The following CTNNA2 variants were observed in gnomAD, a reference collection of about 807,000 sequenced individuals.
The protein encoded by CTNNA2 is catenin alpha 2.
Under a neutral mutation model 101.0 loss-of-function variants are expected in CTNNA2, and 42 were observed. The ratio of observed to expected loss-of-function variants is 0.42; its 90% CI spans 0.32 to 0.54. The LOEUF (loss-of-function observed/expected upper bound fraction) is 0.54, where lower values mean the gene tolerates loss of function less well. CTNNA2 is among the 20% of genes least tolerant of loss of function. CTNNA2 has a pLI of 0.14. For missense variants in CTNNA2, 871 were observed against 1,223.1 expected (o/e 0.71, Z 4.29); for synonymous variants, 450 against 456.4 (o/e 0.99, Z 0.18).
intron 3 of CTNNA2, among the ~76,000 whole-genome samples, chr2:79,361,834 C>G (rs1677637197): frequency 6.6e-6 from 1 of 152,080 alleles, no homozygotes; most frequent in Non-Finnish European, 1.5e-5. Flanking sequence ...CTAGAGTGTT[C>G]TCACGTTTTT....
intron 7 of CTNNA2, among the ~76,000 whole-genome samples, chr2:80,371,549 A>G (rs1381990894): frequency 7.1e-6 from 1 of 139,914 alleles, no homozygotes; most frequent in Non-Finnish European, 1.5e-5. Context: ...GTTTGAGGAA[A>G]TCAGGGATTT....
At chr2:79,665,610 T>C (rs1254471872) in intron 2 of CTNNA2, among the ~76,000 whole-genome samples, 1 of 152,150 alleles carries the variant, frequency 6.6e-6, no homozygotes, top group Non-Finnish European at 1.5e-5. Flanking sequence ...TCTGGAGCAA[T>C]AGAAAATTAT....
chr2:80,149,774 T>TCACACACACACACACACA (rs10595115), intron 7 of CTNNA2, among the ~76,000 whole-genome samples: 1 of 143,298 alleles, frequency 7.0e-6, no homozygotes, highest in Admixed American at 7.0e-5. Flanking sequence ...TTAGAATGGA[T>TCACACACACACACACACA]CACACACACA....
intron 7 of CTNNA2, among the ~76,000 whole-genome samples, chr2:79,976,768 T>C (rs1473202605): frequency 6.6e-6 from 1 of 152,214 alleles, no homozygotes; most frequent in Non-Finnish European, 1.5e-5. Flanking sequence ...AGGTGTTTGC[T>C]TGTAGGTGTA....
In CTNNA2 at chr2:79,777,892, G is replaced by GTT. The variant is rs58015801; in HGVS notation, c.298+33325_298+33326dup. 7.9e-3 allele frequency among the ~76,000 whole-genome samples: 1,101 copies of GTT among 139,744 alleles called. 19 individuals carry two copies. The highest frequency in any genetic ancestry group is 0.025 in the African/African-American group (952 of 37,906). The allele number at this position is 139,744 out of a possible 152,430, so 91.7% of individuals were successfully genotyped here. The stretch of plus-strand genomic sequence containing the variant: ...CCAGTCATAGATTTATTTGCATGGG[G>GTT]TTTTTTTTTTTTTTTTGTACTTGTC... On this transcript the variant is annotated intron_variant, in intron 3 of 18. Transcript: ENST00000402739.
intron 11 of CTNNA2, among the ~76,000 whole-genome samples, chr2:80,550,316 G>A (rs1215996252): frequency 1.3e-5 from 2 of 152,166 alleles, no homozygotes; most frequent in African/African-American, 2.4e-5. Context: ...CTCTTTGATG[G>A]TAGGGGGGGT....
intron 9 of CTNNA2, among the ~76,000 whole-genome samples, chr2:80,444,997 A>G (rs1359268296): frequency 6.6e-6 from 1 of 152,150 alleles, no homozygotes; most frequent in Non-Finnish European, 1.5e-5. Context: ...CACGTTGCCC[A>G]GTGCCCCTGG....
intron 3 of CTNNA2, among the ~76,000 whole-genome samples, chr2:79,807,500 A>G (rs140383369): frequency 2.9e-3 from 449 of 152,298 alleles, no homozygotes; most frequent in Non-Finnish European, 5.1e-3. Flanking sequence ...TGTTCCTAGT[A>G]AGTGAAAACA....
intron 3 of CTNNA2, among the ~76,000 whole-genome samples, chr2:79,826,549 A>G (rs1678452783): frequency 6.6e-6 from 1 of 152,220 alleles, no homozygotes; most frequent in South Asian, 2.1e-4. Flanking sequence ...AGCCACTATC[A>G]TCTTCATATC....
At chr2:80,010,771 T>G (rs1313686602) in intron 7 of CTNNA2, among the ~76,000 whole-genome samples, 3 of 152,106 alleles carry the variant, frequency 2.0e-5, no homozygotes, top group African/African-American at 7.2e-5. Context: ...AGAATGAAAA[T>G]TCTCCACATT....
chr2:80,068,799 A>G (rs777567946), intron 7 of CTNNA2, among the ~76,000 whole-genome samples: 5 of 152,218 alleles, frequency 3.3e-5, no homozygotes, highest in Non-Finnish European at 5.9e-5. Context: ...CACCACAGAC[A>G]TCTCACATGT....
At chr2:80,021,040 C>T (rs570245970) in intron 7 of CTNNA2, among the ~76,000 whole-genome samples, 48 of 126,124 alleles carry the variant, frequency 3.8e-4, no homozygotes, top group African/African-American at 1.3e-3. Context: ...CTGGCTCTGT[C>T]GCCCAGGCTG....
intron 7 of CTNNA2, among the ~76,000 whole-genome samples, chr2:80,054,464 C>G (rs369182395): frequency 6.6e-6 from 1 of 152,198 alleles, no homozygotes; most frequent in Non-Finnish European, 1.5e-5. Flanking sequence ...CTGTTGTACA[C>G]TCATGCCTTT....
chr2:79,188,998 C>T (rs529754130), intron 1 of CTNNA2, among the ~76,000 whole-genome samples: 1 of 152,182 alleles, frequency 6.6e-6, no homozygotes, highest in Non-Finnish European at 1.5e-5. Context: ...TCAAACCACA[C>T]CCGGTCAATA....
chr2:79,406,638 G>T (rs967891518), intron 4 of CTNNA2, among the ~76,000 whole-genome samples: 1 of 151,946 alleles, frequency 6.6e-6, no homozygotes, highest in Non-Finnish European at 1.5e-5. Context: ...AGGAGTTAAA[G>T]GTGCTTATCC....
chr2:80,201,367 CTTTTTTTTTTTTTT>C (rs60448795), intron 7 of CTNNA2, among the ~76,000 whole-genome samples: 1 of 80,732 alleles, frequency 1.2e-5, no homozygotes, highest in African/African-American at 5.3e-5. Context: ...CTTTTTCTTT[CTTTTTTTTTTTTTT>C]TTTTTTTTTT....
At chr2:79,702,376 G>A (rs1356991656) in intron 2 of CTNNA2, among the ~76,000 whole-genome samples, 1 of 152,116 alleles carries the variant, frequency 6.6e-6, no homozygotes, top group Non-Finnish European at 1.5e-5. Context: ...CTACTCTCAT[G>A]CTACAATAGC....
At chr2:80,614,661 T>C (rs926643695) in intron 17 of CTNNA2, among the ~76,000 whole-genome samples, 1 of 151,496 alleles carries the variant, frequency 6.6e-6, no homozygotes, top group Admixed American at 6.6e-5. Context: ...TCTGATTTCA[T>C]TCCAAGATTT....
At chr2:79,512,069 T>G (rs1044663904), upstream of CTNNA2, among the ~76,000 whole-genome samples, 2 of 152,216 alleles carry the variant, frequency 1.3e-5, no homozygotes, top group Non-Finnish European at 1.5e-5. Context: ...TCTCATCTGA[T>G]GTAGCTGTGT....
Sources: allele counts gnomAD v4.1 joint callset (sites outside exome capture counted in the v4.1 genomes callset), GRCh38; gene constraint gnomAD v4.1.1; transcripts MANE v1.5; gene names NCBI Gene and HGNC (gene_info 2026-07-23, HGNC 2026-07-21).